The following FAT3 variants were observed in gnomAD, a reference collection of about 807,000 sequenced individuals.
FAT3 encodes FAT atypical cadherin 3.
In FAT3, 95 loss-of-function variants were observed where a neutral mutation model predicts 310.2. The observed-to-expected ratio is 0.31, with a 90% CI of 0.26 to 0.36. FAT3 has a LOEUF of 0.36. Ranked by LOEUF, FAT3 falls within the 10% of genes least tolerant of loss-of-function variation. The probability of loss-of-function intolerance (pLI) is 1.00; values close to 1 mark genes in which losing one functional copy is unlikely to be tolerated. For missense variants in FAT3, 5,408 were observed against 5,715.6 expected (o/e 0.95, Z 1.74); for synonymous variants, 2,314 against 2,192.9 (o/e 1.06, Z -1.54).
chr11:92,253,959 A>G, intron 1 of FAT3, among the ~76,000 whole-genome samples: 1 of 152,220 alleles, frequency 6.6e-6, no homozygotes, highest in Non-Finnish European at 1.5e-5. Flanking sequence ...AATTCAAATC[A>G]GTTATCAGTA....
intron 4 of FAT3, among the ~76,000 whole-genome samples, chr11:92,704,325 C>T (rs1944198982): frequency 6.6e-6 from 1 of 152,168 alleles, no homozygotes; most frequent in Non-Finnish European, 1.5e-5. Context: ...AGCTCCAAGA[C>T]CAAGCCCATC....
chr11:92,538,518 A>G (rs1954334812), intron 3 of FAT3, among the ~76,000 whole-genome samples: 1 of 152,188 alleles, frequency 6.6e-6, no homozygotes, highest in Non-Finnish European at 1.5e-5. Flanking sequence ...GTTAACTGTT[A>G]TAGCTATTAT....
intron 2 of FAT3, among the ~76,000 whole-genome samples, chr11:92,386,811 G>A (rs972938551): frequency 6.6e-6 from 1 of 152,302 alleles, no homozygotes; most frequent in South Asian, 2.1e-4. Flanking sequence ...GAGTGACACT[G>A]GGTAACAGAT....
intron 3 of FAT3, among the ~76,000 whole-genome samples, chr11:92,581,011 CCT>C (rs1414507069): frequency 6.6e-6 from 1 of 152,040 alleles, no homozygotes; most frequent in African/African-American, 2.4e-5. Context: ...TTGGGTTTAG[CCT>C]CTCTGGCTAA....
At chr11:92,536,873 G>T (rs1398064935) in intron 3 of FAT3, among the ~76,000 whole-genome samples, 2 of 152,124 alleles carry the variant, frequency 1.3e-5, no homozygotes, top group Non-Finnish European at 2.9e-5. Flanking sequence ...AACTTCCCAA[G>T]AGTAAAATTA....
chr11:92,762,730 C>T (rs778382868), intron 5 of FAT3, among the ~76,000 whole-genome samples: 1 of 152,128 alleles, frequency 6.6e-6, no homozygotes, highest in South Asian at 2.1e-4. Flanking sequence ...AAAACAAGCA[C>T]GGGCACCATG....
At chr11:92,279,140 A>G (rs1946356135) in intron 1 of FAT3, among the ~76,000 whole-genome samples, 1 of 152,196 alleles carries the variant, frequency 6.6e-6, no homozygotes, top group South Asian at 2.1e-4. Flanking sequence ...CTAAGACTTT[A>G]TAAGCCCTGT....
rs5793610 is a variant in FAT3 at position 92,583,086 on chromosome 11, CA to C, written c.3607+58149del. Reference sequence around the variant, plus strand: ...TTAGCACTTTGCAGAATATTTTTTTCAAAAAAAAAAACTACTCATTTCTTAC... The same window carrying C: ...TTAGCACTTTGCAGAATATTTTTTTCAAAAAAAAAACTACTCATTTCTTAC... On this transcript the variant is annotated intron_variant, in intron 3 of 27. Transcript: ENST00000525166. 1.5e-3 allele frequency among the ~76,000 whole-genome samples: 223 copies of C among 144,122 alleles called. 1 individual carries two copies. The highest frequency in any genetic ancestry group is 3.6e-3 in the Middle Eastern group (1 of 278). The allele number at this position is 144,122 out of a possible 152,430, so 94.5% of individuals were successfully genotyped here.
chr11:92,799,884 A>G lies in FAT3; in HGVS notation c.6871A>G (p.Thr2291Ala), dbSNP rs774050227. 9 of 1,612,848 alleles carry G rather than the reference A, an allele frequency of 5.6e-6. No individual in the cohort carries two copies. The highest frequency in any genetic ancestry group is 5.0e-5 in the Admixed American group (3 of 59,832). Reference sequence around the variant, plus strand: ...CAACCCCCCTATTTTCGATCAGCCTACATACAATACAACACTATCAGAAGC... The same window carrying G: ...CAACCCCCCTATTTTCGATCAGCCTGCATACAATACAACACTATCAGAAGC... Reference protein sequence around the residue: ...NDNPPIFDQPTYNTTLSEASL... With the variant: ...NDNPPIFDQPAYNTTLSEASL... Residue 2291 changes from threonine to alanine, a missense_variant, in exon 10 of 28, where the codon ACA becomes GCA. Around this residue, in one of 5 missense-constraint regions of FAT3, gnomAD observed 4,588 missense variants for 4,809.8 expected, o/e 0.95. Transcript: ENST00000525166.
At chr11:92,643,505 C>T (rs1214962483) in intron 3 of FAT3, among the ~76,000 whole-genome samples, 1 of 152,194 alleles carries the variant, frequency 6.6e-6, no homozygotes, top group Non-Finnish European at 1.5e-5. Flanking sequence ...CTTAATGTCT[C>T]CCATCCATCT....
At chr11:92,631,824 G>A (rs1010171990) in intron 3 of FAT3, among the ~76,000 whole-genome samples, 15 of 152,072 alleles carry the variant, frequency 9.9e-5, no homozygotes, top group Non-Finnish European at 1.6e-4. Context: ...AGCACTGAGC[G>A]CCTTGTCCAG....
chr11:92,549,017 A>G (rs2135431594), intron 3 of FAT3, among the ~76,000 whole-genome samples: 1 of 152,328 alleles, frequency 6.6e-6, no homozygotes, highest in African/African-American at 2.4e-5. Context: ...AAACCTGGCT[A>G]ATTAGACTGC....
intron 3 of FAT3, among the ~76,000 whole-genome samples, chr11:92,608,387 A>G (rs531378118): frequency 3.4e-4 from 52 of 152,146 alleles, no homozygotes; most frequent in Admixed American, 9.8e-4. Context: ...TTATGCTGTT[A>G]GTTGTTACTT....
intron 13 of FAT3, among the ~76,000 whole-genome samples, chr11:92,827,149 A>C (rs991025528): frequency 2.0e-5 from 3 of 152,170 alleles, no homozygotes; most frequent in African/African-American, 7.2e-5. Flanking sequence ...CTGAAGTGTA[A>C]GGACCTGTAT....
At chr11:92,293,890 G>A (rs1480085885) in intron 1 of FAT3, among the ~76,000 whole-genome samples, 1 of 152,012 alleles carries the variant, frequency 6.6e-6, no homozygotes, top group African/African-American at 2.4e-5. Context: ...AAGAGGAAAG[G>A]CAGTATTGGG....
intron 7 of FAT3, among the ~76,000 whole-genome samples, chr11:92,785,212 A>G (rs561185356): frequency 6.6e-6 from 1 of 152,254 alleles, no homozygotes; most frequent in Admixed American, 6.5e-5. Context: ...ATTTATGCAA[A>G]TAGCCATAAT....
chr11:92,787,223 A>G (rs1404223913), intron 7 of FAT3, among the ~76,000 whole-genome samples: 2 of 152,082 alleles, frequency 1.3e-5, no homozygotes, highest in African/African-American at 4.8e-5. Context: ...AAGAGTGTAT[A>G]TAGTATGTTT....
At chr11:92,249,506 C>G (rs1013896103) in intron 1 of FAT3, among the ~76,000 whole-genome samples, 9 of 152,060 alleles carry the variant, frequency 5.9e-5, no homozygotes, top group South Asian at 2.1e-4. Flanking sequence ...CTTTCTTTTT[C>G]TCTTTACTTC....
intron 21 of FAT3, among the ~76,000 whole-genome samples, chr11:92,860,649 G>A (rs1237364017): frequency 2.0e-5 from 3 of 152,172 alleles, no homozygotes; most frequent in African/African-American, 7.2e-5. Context: ...AGAGTACATG[G>A]TGGACCTTTC....
Sources: allele counts gnomAD v4.1 joint callset (sites outside exome capture counted in the v4.1 genomes callset), GRCh38; gene constraint gnomAD v4.1.1; regional missense constraint gnomAD v4.1.1; transcripts MANE v1.5; gene names NCBI Gene and HGNC (gene_info 2026-07-23, HGNC 2026-07-21).